The following FCHSD1 variants were observed in gnomAD, a reference collection of about 807,000 sequenced individuals.
FCHSD1 encodes FCH and double SH3 domains 1.
Under a neutral mutation model 101.3 loss-of-function variants are expected in FCHSD1, and 109 were observed. That is an observed-to-expected ratio of 1.08 (90% CI 0.92 to 1.26). FCHSD1 has a LOEUF of 1.26. Among genes scored for constraint, FCHSD1 ranks in the 50% most tolerant of loss-of-function variants. The probability of loss-of-function intolerance (pLI) is 0.00; values close to 1 mark genes in which losing one functional copy is unlikely to be tolerated. For synonymous variants in FCHSD1, 291 were observed against 356.8 expected (o/e 0.82, Z 2.08); for missense variants, 820 against 895.8 (o/e 0.92, Z 1.08).
At chr5:141,643,154 A>T in intron 17 of FCHSD1, 66 bp from the exon 18 acceptor site, 2 of 1,258,726 alleles carry the variant, frequency 1.6e-6, no homozygotes, top group Non-Finnish European at 2.1e-6. Flanking sequence ...TTTTCCTCTC[A>T]TCCCATCTCC....
rs374771802 is a variant in FCHSD1, at chr5:141,649,798, C to T, written c.233+89G>A. ...ACCTACAGCTCACGTGCCTTCCCCACTTGCTAGGCCTTCATCCCCACAGGT... is the reference window on the plus strand; with the variant it reads ...ACCTACAGCTCACGTGCCTTCCCCATTTGCTAGGCCTTCATCCCCACAGGT... On this transcript the variant is annotated intron_variant, in intron 4 of 19. Coordinates refer to ENST00000435817, the MANE Select transcript of FCHSD1 (RefSeq NM_033449.3). The surrounding 1 kb of genome is among the most constrained non-coding windows in gnomAD (Gnocchi z 4.1). 1.4e-5 allele frequency: 20 copies of T among 1,453,740 alleles called. No homozygotes were observed. The highest frequency in any genetic ancestry group is 3.7e-4 in the Middle Eastern group (2 of 5,464). 90.1% of individuals were successfully genotyped at this position (1,453,740 alleles called of 1,614,324 possible).
At position 141,649,912 on chromosome 5, in the gene FCHSD1, G is replaced by T; in HGVS notation, c.208C>A (p.His70Asn). The change falls in exon 4 of 20, where the codon CAC becomes AAC. Residue 70 changes from histidine (H) to asparagine (N), a missense_variant. By Grantham distance (68) the His-to-Asn change is moderately conservative. Transcript: ENST00000435817. This position sits in a 1 kb window ranked among gnomAD's most constrained non-coding sequence, Gnocchi z 4.1. ...LAGPFLKREG[H>N]RSGEMDSRGR... ...CTGCTGTCCATCTCACCGCTCCGGTGCCCTTCCCTCTTCAGGAATGGGCCA... is the reference window on the plus strand; with the variant it reads ...CTGCTGTCCATCTCACCGCTCCGGTTCCCTTCCCTCTTCAGGAATGGGCCA... 6.4e-7 allele frequency: 1 copy of T among 1,551,010 alleles called. No individual in the cohort carries two copies. Among genetic ancestry groups the T allele is most frequent in the Admixed American group, 2.0e-5 (1 of 49,914 alleles).
intron 17 of FCHSD1, among the ~76,000 whole-genome samples, chr5:141,643,898 CAGTG>C (rs2099907316): frequency 2.0e-5 from 3 of 151,498 alleles, no homozygotes; most frequent in East Asian, 3.9e-4. Context: ...CTAATTATGA[CAGTG>C]AGCCTGCTAA....
chr5:141,651,225 T>C, intron 1 of FCHSD1, 108 bp from the exon 2 acceptor site: 5 of 1,512,628 alleles, frequency 3.3e-6, no homozygotes, highest in Non-Finnish European at 4.5e-6. Flanking sequence ...CTCTTTCCTC[T>C]GTTACTTCTG....
rs1174147002 is a variant in FCHSD1, at chr5:141,651,036, G to A, written c.103C>T (p.Leu35=). Residue 35 remains leucine, a synonymous_variant, in exon 2 of 20, where the codon CTG becomes TTG. Coordinates refer to ENST00000435817, the MANE Select transcript of FCHSD1 (RefSeq NM_033449.3). ...LQTWQQREAD[L]LEDIRSYSKQ... Reference sequence around the variant, plus strand: ...GGGAGCTACCTGATGTCCTCCAGCAGATCCGCCTCCCTCTGCTGCCAGGTC... The same window carrying A: ...GGGAGCTACCTGATGTCCTCCAGCAAATCCGCCTCCCTCTGCTGCCAGGTC... The A allele has an allele frequency of 6.3e-7, 1 of 1,593,762 alleles. No individual in the cohort carries two copies. Among genetic ancestry groups the A allele is most frequent in the Non-Finnish European group, 8.5e-7 (1 of 1,169,650 alleles).
chr5:141,651,380 C>A lies in FCHSD1; in HGVS notation c.-12G>T, dbSNP rs772766875. ...GGCGGCGGCTGCATCTCCGCTCCAG[C>A]AAGGCGGTCAGCCACTGGACTCCGG... On this transcript the variant is annotated 5_prime_UTR_variant, in exon 1 of 20. Coordinates refer to ENST00000435817, the MANE Select transcript of FCHSD1 (RefSeq NM_033449.3). 1.7e-4 allele frequency: 259 copies of A among 1,552,302 alleles called. No individual in the cohort carries two copies. The highest frequency in any genetic ancestry group is 2.2e-4 in the Non-Finnish European group (254 of 1,147,644).
In FCHSD1 at chr5:141,641,737, C is replaced by T. The variant is rs1466910480; in HGVS notation, c.1972G>A (p.Gly658Arg). The T allele has an allele frequency of 1.9e-6, 3 of 1,613,938 alleles. No homozygotes were observed. In the African/African-American group the frequency reaches 4.0e-5, roughly 22 times the overall value. ...CGAGGTGCCATCATGTCCAGGAACC[C>T]AGGGAAGTCCAGGGCTTTGTCTGGA... is the stretch of plus-strand genomic sequence containing the variant. ...LPGDKALDFPGFLDMMAPRLR... is the reference protein window; with the variant it reads ...LPGDKALDFPRFLDMMAPRLR... The change falls in exon 19 of 20, where the codon GGG becomes AGG. Residue 658 changes from glycine to arginine, a missense_variant. Transcript: ENST00000435817.
Position 141,645,868 on chromosome 5 carries a change from C to G in FCHSD1, c.1214G>C (p.Arg405Pro). ...CTGGGTCATGGCTGGCTTCAGCCAG[C>G]GCTCCACATCTAAGCCAGCCCCCTG... ...LLQGAGLDVE[R>P]WLKPAMTQAQ... Residue 405 changes from arginine to proline, a missense_variant, in exon 13 of 20, where the codon CGC becomes CCC. By Grantham distance (103) the Arg-to-Pro change is moderately radical. Coordinates refer to ENST00000435817, the MANE Select transcript of FCHSD1 (RefSeq NM_033449.3). 6.3e-7 allele frequency: 1 copy of G among 1,592,808 alleles called. No homozygotes were observed. Among genetic ancestry groups the G allele is most frequent in the South Asian group, 1.1e-5 (1 of 88,198 alleles).
At position 141,639,744 on chromosome 5, in the gene FCHSD1, GA is replaced by G. The variant is rs2099906608; in HGVS notation, c.*1753del. The stretch of plus-strand genomic sequence containing the variant: ...AGTGGGCCTTGGCTCTTTCCTCCTG[GA>G]CTGGGAGCTCCGGCAGAAGTCAGGC... On this transcript the variant is annotated 3_prime_UTR_variant, in exon 20 of 20. Coordinates refer to ENST00000435817, the MANE Select transcript of FCHSD1 (RefSeq NM_033449.3). The surrounding 1 kb of genome is among the most constrained non-coding windows in gnomAD (Gnocchi z 4.4). 2.2e-6 allele frequency: 3 copies of G among 1,361,144 alleles called. No homozygotes were observed. The highest frequency in any genetic ancestry group is 3.0e-6 in the Non-Finnish European group (3 of 985,210). 84.3% of individuals were successfully genotyped at this position (1,361,144 alleles called of 1,614,324 possible). A position where few individuals can be genotyped will look rare whatever the true frequency, so the allele number is the denominator to read the frequency against.
intron 18 of FCHSD1, 128 bp downstream of exon 18, chr5:141,642,873 A>G: frequency 1.2e-6 from 1 of 868,898 alleles, no homozygotes; most frequent in South Asian, 1.7e-5. Flanking sequence ...TCCAGAGCCC[A>G]GGCAAGTGCT....
In FCHSD1 at chr5:141,640,736, T is replaced by A; in HGVS notation, c.*762A>T. 1 of 1,429,654 alleles carries A rather than the reference T, an allele frequency of 7.0e-7. No individual in the cohort carries two copies. Among genetic ancestry groups the A allele is most frequent in the Non-Finnish European group, 9.5e-7 (1 of 1,057,078 alleles). 88.6% of individuals were successfully genotyped at this position (1,429,654 alleles called of 1,614,324 possible). A position where few individuals can be genotyped will look rare whatever the true frequency, so the allele number is the denominator to read the frequency against. ...AGGGGGTGGGTGGGCGTGAAAGCCC[T>A]CCCCTCCACTGGACAGCACTGCCCC... On this transcript the variant is annotated 3_prime_UTR_variant, in exon 20 of 20. Transcript: ENST00000435817.
intron 18 of FCHSD1, chr5:141,642,416 C>T: frequency 2.9e-6 from 2 of 693,800 alleles, no homozygotes; most frequent in Non-Finnish European, 2.6e-6. Flanking sequence ...ACAATGTTCA[C>T]TATTTGAGTT....
chr5:141,648,979 CTGGTCCGAGAG>C lies in FCHSD1; in HGVS notation c.543_553del (p.His181GlnfsTer26), dbSNP rs2099908020. On this transcript the variant is annotated frameshift_variant, in exon 7 of 20. Coordinates refer to ENST00000435817, the MANE Select transcript of FCHSD1 (RefSeq NM_033449.3). LOFTEE classifies it high-confidence loss of function. Reference sequence around the variant, plus strand: ...AACCTTGGTGCTCAGTTTCTGGAGACTGGTCCGAGAGTGGAAGATCCCATGGTCACTTCGGT... The same window carrying C: ...AACCTTGGTGCTCAGTTTCTGGAGACTGGAAGATCCCATGGTCACTTCGGT... 6.2e-7 allele frequency: 1 copy of C among 1,613,984 alleles called. No individual in the cohort carries two copies. The highest frequency in any genetic ancestry group is 8.5e-7 in the Non-Finnish European group (1 of 1,179,888).
At chr5:141,645,686 T>A in intron 13 of FCHSD1, 85 bp downstream of exon 13, 2 of 1,447,932 alleles carry the variant, frequency 1.4e-6, no homozygotes, top group East Asian at 2.4e-5. Flanking sequence ...TAGGCACAAC[T>A]GTGATTCCAG....
At chr5:141,642,253 A>C in intron 18 of FCHSD1, 1 of 553,506 alleles carries the variant, frequency 1.8e-6, no homozygotes, top group Non-Finnish European at 3.2e-6. Flanking sequence ...TCAGAAACAG[A>C]AAACCAAATA....
chr5:141,648,903 A>G, intron 7 of FCHSD1, 54 bp downstream of exon 7: 1 of 1,598,736 alleles, frequency 6.3e-7, no homozygotes, highest in Non-Finnish European at 8.6e-7. Flanking sequence ...CCAAACCACT[A>G]GACTACTCTG....
At chr5:141,645,715 C>A in intron 13 of FCHSD1, 56 bp downstream of exon 13, 1 of 1,549,508 alleles carries the variant, frequency 6.5e-7, no homozygotes, top group Non-Finnish European at 8.7e-7. Context: ...GGTTTGCCTT[C>A]CACTGGAGTT....
In FCHSD1 at chr5:141,641,723, C is replaced by T. The variant is rs1423673269; in HGVS notation, c.1986G>A (p.Met662Ile). The T allele has an allele frequency of 1.8e-5, 29 of 1,614,054 alleles. No individual in the cohort carries two copies. The highest frequency in any genetic ancestry group is 2.5e-5 in the Non-Finnish European group (29 of 1,179,904). ...KALDFPGFLD[M>I]MAPRLRPMRP... ...TTACCGGCCTGAGTCGAGGTGCCAT[C>T]ATGTCCAGGAACCCAGGGAAGTCCA... The change falls in exon 19 of 20, where the codon ATG becomes ATA. Residue 662 changes from methionine to isoleucine, a missense_variant. Physicochemically the swap from Met to Ile is conservative, Grantham distance 10 (BLOSUM62 1). Transcript: ENST00000435817.
intron 18 of FCHSD1, chr5:141,641,961 A>G (rs886918555): frequency 1.6e-6 from 1 of 619,532 alleles, no homozygotes; most frequent in Non-Finnish European, 2.8e-6. Context: ...TACAAAACTA[A>G]GGGAGATAGG....
Sources: gnomAD v4.1 joint callset for allele counts (sites outside exome capture counted in the v4.1 genomes callset) on GRCh38, gnomAD v4.1.1 for gene constraint, Gnocchi (gnomAD v3.1) non-coding constraint, MANE v1.5 for transcripts, NCBI Gene and HGNC (gene_info 2026-07-23, HGNC 2026-07-21) for gene names.